MACROD2: variants seen among roughly 807,000 people sequenced by gnomAD.
MACROD2 encodes the protein mono-ADP ribosylhydrolase 2.
Under a neutral mutation model 70.4 loss-of-function variants are expected in MACROD2, and 36 were observed. The ratio of observed to expected loss-of-function variants is 0.51; its 90% CI spans 0.39 to 0.68. MACROD2 has a LOEUF of 0.68. MACROD2 is among the 30% of genes least tolerant of loss of function. The pLI, the probability that MACROD2 is intolerant of heterozygous loss-of-function variation, is 0.00. For synonymous variants in MACROD2, 172 were observed against 178.8 expected (o/e 0.96, Z 0.30); for missense variants, 496 against 538.4 (o/e 0.92, Z 0.78).
chr20:15,424,366 C>T (rs566898835), intron 6 of MACROD2, among the ~76,000 whole-genome samples: 126 of 152,272 alleles, frequency 8.3e-4, no homozygotes, highest in African/African-American at 3.0e-3. Flanking sequence ...GAAGTATATA[C>T]TGCACCCTAG....
chr20:15,661,044 G>A (rs2049814899), intron 8 of MACROD2, among the ~76,000 whole-genome samples: 1 of 152,072 alleles, frequency 6.6e-6, no homozygotes, highest in Admixed American at 6.6e-5. Context: ...ATTCCAACTG[G>A]TCTCTTACTA....
At chr20:15,917,663 C>G (rs148927723) in intron 10 of MACROD2, among the ~76,000 whole-genome samples, 165 of 152,258 alleles carry the variant, frequency 1.1e-3, no homozygotes, top group Non-Finnish European at 2.1e-3. Flanking sequence ...AAAACAAAAG[C>G]CTTTTCTGTG....
At chr20:14,152,070 G>C (rs112349886) in intron 3 of MACROD2, among the ~76,000 whole-genome samples, 6,257 of 151,390 alleles carry the variant, frequency 0.041, 175 homozygotes, top group African/African-American at 0.081. Flanking sequence ...ATCTGCCCGC[G>C]TCAGCCTCCC....
chr20:15,721,409 C>T (rs79958583), intron 8 of MACROD2, among the ~76,000 whole-genome samples: 7,321 of 152,224 alleles, frequency 0.048, 262 homozygotes, highest in East Asian at 0.16. Context: ...AATTTCTGTG[C>T]ACTTTTAAAG....
chr20:15,120,147 G>T lies in MACROD2; in HGVS notation c.419-109793G>T, dbSNP rs555068060. 2.6e-4 allele frequency among the ~76,000 whole-genome samples: 40 copies of T among 152,298 alleles called. 1 individual carries two copies. In the South Asian group the frequency reaches 8.1e-3, roughly 31 times the overall value. On this transcript the variant is annotated intron_variant, in intron 5 of 17. Transcript: ENST00000684519. ...AATGGTTTGCTTGCTTTAGAGCTTAGCAAGAAAGGTAAAGATATTAGCATG... is the reference window on the plus strand; with the variant it reads ...AATGGTTTGCTTGCTTTAGAGCTTATCAAGAAAGGTAAAGATATTAGCATG...
intron 3 of MACROD2, among the ~76,000 whole-genome samples, chr20:14,339,855 G>A (rs1272478580): frequency 6.6e-6 from 1 of 152,074 alleles, no homozygotes; most frequent in Non-Finnish European, 1.5e-5. Flanking sequence ...CTGACTTTGG[G>A]GGCAAACTCT....
chr20:14,964,615 C>T (rs561511717), intron 5 of MACROD2, among the ~76,000 whole-genome samples: 2 of 151,934 alleles, frequency 1.3e-5, no homozygotes, highest in East Asian at 1.9e-4. Flanking sequence ...AGAGACTGCA[C>T]GCACACTAGC....
chr20:15,456,208 G>A (rs547709830), intron 7 of MACROD2, among the ~76,000 whole-genome samples: 19 of 152,214 alleles, frequency 1.2e-4, no homozygotes, highest in African/African-American at 3.6e-4. Flanking sequence ...CAACTCTCCC[G>A]ACATCATCCA....
chr20:15,210,737 G>A (rs997770461), intron 5 of MACROD2, among the ~76,000 whole-genome samples: 8 of 151,876 alleles, frequency 5.3e-5, no homozygotes, highest in African/African-American at 7.3e-5. Flanking sequence ...TCATGAGATC[G>A]TTGTTTAAAA....
chr20:14,106,140 A>G (rs1352491047), intron 3 of MACROD2, among the ~76,000 whole-genome samples: 1 of 152,186 alleles, frequency 6.6e-6, no homozygotes, highest in Non-Finnish European at 1.5e-5. Context: ...GCATTTATGG[A>G]ACTGCCCTGT....
At chr20:14,669,656 G>A (rs1250667734) in intron 4 of MACROD2, among the ~76,000 whole-genome samples, 27 of 152,104 alleles carry the variant, frequency 1.8e-4, no homozygotes, top group Non-Finnish European at 4.4e-5. Context: ...TGTTAATATT[G>A]ACCTACATCA....
chr20:14,707,420 G>T (rs1934225832), intron 5 of MACROD2, among the ~76,000 whole-genome samples: 1 of 152,098 alleles, frequency 6.6e-6, no homozygotes, highest in South Asian at 2.1e-4. Flanking sequence ...CTTTCCAAAG[G>T]TATAAAGGCG....
chr20:16,000,745 A>C lies in MACROD2; in HGVS notation c.1153+13587A>C, dbSNP rs543734774. 3.3e-5 allele frequency among the ~76,000 whole-genome samples: 5 copies of C among 152,362 alleles called. No homozygotes were observed. In the East Asian group the frequency reaches 9.6e-4, roughly 29 times the overall value. On this transcript the variant is annotated intron_variant, in intron 15 of 17. Transcript: ENST00000684519. Reference sequence around the variant, plus strand: ...TGAACTAAAGATCCTAATCATAAACATTCAGACAGAAAGACCATTTCAGTG... The same window carrying C: ...TGAACTAAAGATCCTAATCATAAACCTTCAGACAGAAAGACCATTTCAGTG...
intron 5 of MACROD2, among the ~76,000 whole-genome samples, chr20:14,955,687 C>T (rs2074530138): frequency 6.6e-6 from 1 of 152,094 alleles, no homozygotes; most frequent in African/African-American, 2.4e-5. Context: ...GTTTCTAACT[C>T]TGCGACCAGC....
chr20:15,818,386 A>G (rs1407800941), intron 8 of MACROD2, among the ~76,000 whole-genome samples: 2 of 152,182 alleles, frequency 1.3e-5, no homozygotes, highest in Non-Finnish European at 2.9e-5. Context: ...TCCCCCTTTT[A>G]GACCATCTAG....
intron 5 of MACROD2, among the ~76,000 whole-genome samples, chr20:14,962,391 T>C (rs1285149156): frequency 6.6e-6 from 1 of 151,740 alleles, no homozygotes; most frequent in Non-Finnish European, 1.5e-5. Flanking sequence ...CTTGACCTCC[T>C]GGGCTCAAGT....
At chr20:14,458,721 A>AG (rs1177449895) in intron 3 of MACROD2, among the ~76,000 whole-genome samples, 1 of 152,132 alleles carries the variant, frequency 6.6e-6, no homozygotes, top group Non-Finnish European at 1.5e-5. Flanking sequence ...ATATAAAAGA[A>AG]GGGAAAAAAA....
At chr20:15,096,044 T>C (rs1056255800) in intron 5 of MACROD2, among the ~76,000 whole-genome samples, 1 of 152,066 alleles carries the variant, frequency 6.6e-6, no homozygotes, top group African/African-American at 2.4e-5. Context: ...CAAAAGAGTG[T>C]TTTTCCCCCC....
intron 5 of MACROD2, among the ~76,000 whole-genome samples, chr20:14,695,078 C>A (rs2071107471): frequency 1.3e-5 from 2 of 152,038 alleles, no homozygotes; most frequent in African/African-American, 4.8e-5. Context: ...TCTGTATTAG[C>A]TTCCTAGGGC....
Sources: allele counts gnomAD v4.1 joint callset (sites outside exome capture counted in the v4.1 genomes callset), GRCh38; gene constraint gnomAD v4.1.1; transcripts MANE v1.5; gene names NCBI Gene and HGNC (gene_info 2026-07-23, HGNC 2026-07-21).